The following CAST variants were observed in gnomAD, a reference collection of about 807,000 sequenced individuals.
The protein encoded by CAST is MIR583 host.
Under a neutral mutation model 119.6 loss-of-function variants are expected in CAST, and 76 were observed. The ratio of observed to expected loss-of-function variants is 0.64; its 90% CI spans 0.53 to 0.77. The LOEUF is 0.77. Ranked by LOEUF, CAST falls within the 30% of genes least tolerant of loss-of-function variation. The pLI is 0.00. For synonymous variants in CAST, 319 were observed against 331.6 expected (o/e 0.96, Z 0.41); for missense variants, 953 against 946.5 (o/e 1.01, Z -0.09).
the CAST span, among the ~76,000 whole-genome samples, chr5:96,437,747 G>A: frequency 2.0e-5 from 3 of 152,068 alleles, no homozygotes; most frequent in Admixed American, 6.6e-5. Flanking sequence ...TGATTCATAC[G>A]CAATTAAAGT....
the CAST span, chr5:96,433,391 C>A: frequency 2.7e-6 from 1 of 370,690 alleles, no homozygotes; most frequent in South Asian, 2.3e-5. Flanking sequence ...AAATAAGCAG[C>A]CAGGGATTAG....
chr5:95,961,772 A>G, the CAST span: 3 of 1,518,886 alleles, frequency 2.0e-6, no homozygotes, highest in Non-Finnish European at 2.6e-6. Flanking sequence ...TCTAGCCTCC[A>G]CTGCGGCCGC....
the CAST span, chr5:96,432,791 T>C: frequency 7.5e-7 from 1 of 1,330,304 alleles, no homozygotes; most frequent in Admixed American, 1.7e-5. Flanking sequence ...GGGCTCCCAC[T>C]TGGAAGACCG....
At chr5:96,296,276 A>G in the CAST span, among the ~76,000 whole-genome samples, 1 of 152,198 alleles carries the variant, frequency 6.6e-6, no homozygotes, top group Admixed American at 6.5e-5. Context: ...CACTAGAAAT[A>G]ATACAGTATC....
At chr5:96,412,802 CA>C in the CAST span, 1 of 314,380 alleles carries the variant, frequency 3.2e-6, no homozygotes, top group Non-Finnish European at 5.2e-6. Flanking sequence ...CTCTTCCCAG[CA>C]AAAGCTCTGG....
chr5:96,320,139 C>G, the CAST span, among the ~76,000 whole-genome samples: 1 of 151,048 alleles, frequency 6.6e-6, no homozygotes, highest in Non-Finnish European at 1.5e-5. Context: ...TCTGCAGTAA[C>G]TACTCCTCCT....
the CAST span, among the ~76,000 whole-genome samples, chr5:96,241,218 C>T: frequency 5.7e-5 from 7 of 121,884 alleles, no homozygotes; most frequent in South Asian, 2.3e-3. Context: ...CCCCCTCCCC[C>T]CACCCCACAA....
At chr5:96,580,514 A>C (rs543143447) in intron 1 of CAST, among the ~76,000 whole-genome samples, 1 of 152,320 alleles carries the variant, frequency 6.6e-6, no homozygotes, top group East Asian at 1.9e-4. Flanking sequence ...GTGTTTCTCA[A>C]GTTTTAATGT....
At chr5:96,284,046 G>A in the CAST span, among the ~76,000 whole-genome samples, 1 of 152,172 alleles carries the variant, frequency 6.6e-6, no homozygotes, top group Non-Finnish European at 1.5e-5. Context: ...TAGCACCAAT[G>A]CTGGGAGGGA....
At chr5:96,239,494 G>A in the CAST span, among the ~76,000 whole-genome samples, 13 of 151,828 alleles carry the variant, frequency 8.6e-5, no homozygotes, top group Non-Finnish European at 1.6e-4. Flanking sequence ...CTACCTTAAT[G>A]TTTCTAGCTT....
the CAST span, among the ~76,000 whole-genome samples, chr5:96,127,195 A>G: frequency 1.9e-4 from 29 of 152,234 alleles, no homozygotes; most frequent in Non-Finnish European, 3.7e-4. Context: ...ATTTATTTTA[A>G]ATGGTAGAGT....
intron 1 of CAST, among the ~76,000 whole-genome samples, chr5:96,620,298 T>TTG (rs1165250346): frequency 6.6e-6 from 1 of 151,954 alleles, no homozygotes; most frequent in African/African-American, 2.4e-5. Context: ...CTTTTTTTTT[T>TTG]TTTTTGGTAT....
At chr5:95,972,491 A>G in the CAST span, among the ~76,000 whole-genome samples, 1 of 152,092 alleles carries the variant, frequency 6.6e-6, no homozygotes, top group Non-Finnish European at 1.5e-5. Context: ...AATATAGACC[A>G]TATATCCATG....
the CAST span, among the ~76,000 whole-genome samples, chr5:96,031,275 T>G: frequency 1.3e-5 from 2 of 151,290 alleles, no homozygotes; most frequent in Non-Finnish European, 2.9e-5. Flanking sequence ...CTACCTTGGA[T>G]AGAGGAAGAT....
At chr5:96,290,747 G>A in the CAST span, among the ~76,000 whole-genome samples, 1 of 152,204 alleles carries the variant, frequency 6.6e-6, no homozygotes, top group Non-Finnish European at 1.5e-5. Context: ...TTCTCAGTTG[G>A]GGCAAGCATC....
At chr5:96,271,034 TA>T in the CAST span, among the ~76,000 whole-genome samples, 2 of 151,848 alleles carry the variant, frequency 1.3e-5, no homozygotes, top group African/African-American at 4.8e-5. Flanking sequence ...CCATTTACAA[TA>T]TCTACAAATA....
chr5:96,397,717 TAATG>T, the CAST span, among the ~76,000 whole-genome samples: 1 of 151,920 alleles, frequency 6.6e-6, no homozygotes, highest in African/African-American at 2.4e-5. Flanking sequence ...GTGGAAAAAA[TAATG>T]AATGAATGAA....
chr5:96,170,851 G>A, the CAST span, among the ~76,000 whole-genome samples: 32 of 152,290 alleles, frequency 2.1e-4, no homozygotes, highest in African/African-American at 6.3e-4. Context: ...GGCTAGTTGC[G>A]GAACGAAACT....
intron 1 of CAST, among the ~76,000 whole-genome samples, chr5:96,594,391 C>T (rs148475245): frequency 1.5e-3 from 228 of 152,252 alleles, no homozygotes; most frequent in African/African-American, 5.3e-3. Context: ...GAAAAACAGT[C>T]GAGTTAGCCT....
Sources: gnomAD v4.1 joint callset for allele counts (sites outside exome capture counted in the v4.1 genomes callset) on GRCh38, gnomAD v4.1.1 for gene constraint, MANE v1.5 for transcripts, NCBI Gene and HGNC (gene_info 2026-07-23, HGNC 2026-07-21) for gene names.